Variants in RFC1 observed in about 807,000 individuals in gnomAD.
RFC1 encodes the protein replication factor C subunit 1.
RFC1 carries 37 observed loss-of-function variants against 137.4 expected under a neutral mutation model. The observed-to-expected ratio is 0.27, with a 90% CI of 0.21 to 0.35. The LOEUF (loss-of-function observed/expected upper bound fraction) is 0.35, where lower values mean the gene tolerates loss of function less well. RFC1 is among the 10% of genes least tolerant of loss of function. The probability of loss-of-function intolerance (pLI) is 1.00; values close to 1 mark genes in which losing one functional copy is unlikely to be tolerated. For synonymous variants in RFC1, 429 were observed against 455.7 expected, an observed-to-expected ratio of 0.94 and a Z score of 0.75; for missense variants, 1,205 against 1,358.5, an observed-to-expected ratio of 0.89 and a Z score of 1.78.
intron 23 of RFC1, 145 bp from the exon 24 acceptor site, chr4:39,290,184 A>G (rs950679088): frequency 1.8e-6 from 1 of 541,198 alleles, no homozygotes; most frequent in Non-Finnish European, 3.2e-6. Flanking sequence ...AAGTACGTGC[A>G]TTTTTCTGTG....
intron 13 of RFC1, 27 bp from the exon 14 acceptor site, chr4:39,306,728 T>G: frequency 7.6e-7 from 1 of 1,321,570 alleles, no homozygotes; most frequent in Non-Finnish European, 1.1e-6. Context: ...AGTTCCAGAG[T>G]GTCAACCTAT....
intron 2 of RFC1, among the ~76,000 whole-genome samples, chr4:39,350,240 C>T (rs1396766844): frequency 6.6e-6 from 1 of 151,770 alleles, no homozygotes; most frequent in Non-Finnish European, 1.5e-5. Flanking sequence ...GAACAAGGCT[C>T]AATGATCCGT....
chr4:39,296,250 CTTTTTT>C (rs10717106), intron 21 of RFC1, among the ~76,000 whole-genome samples: 4 of 132,758 alleles, frequency 3.0e-5, no homozygotes, highest in African/African-American at 1.1e-4. Context: ...TTTTTTTTTT[CTTTTTT>C]TTTTTTTTAT....
At chr4:39,310,904 C>T (rs12501447) in intron 12 of RFC1, among the ~76,000 whole-genome samples, 63,666 of 151,952 alleles carry the variant, frequency 0.42, 15,869 homozygotes, top group East Asian at 0.62. Context: ...CACTTTGGGA[C>T]GCTGAAGTGG....
chr4:39,361,737 A>G (rs1375346695), intron 1 of RFC1, among the ~76,000 whole-genome samples: 1 of 152,184 alleles, frequency 6.6e-6, no homozygotes, highest in African/African-American at 2.4e-5. Context: ...GCAATAAACA[A>G]TCCAAAAATG....
rs1560583763 is a variant in RFC1, at chr4:39,288,799, C to T, written c.3406G>A (p.Glu1136Lys). The change falls in exon 25 of 25, where the codon GAG becomes AAG. Residue 1136 changes from glutamate to lysine, a missense_variant. Physicochemically the swap from Glu to Lys is moderately conservative, Grantham distance 56. Transcript: ENST00000349703. ...SKPSKPEKDKEPRKGKGKSSK... is the reference protein window; with the variant it reads ...SKPSKPEKDKKPRKGKGKSSK... ...CTTTTTCCTTTTCCTTTTCTGGGCTCCTTATCTTTTTCTGGTTTTGAAGGC... is the reference window on the plus strand; with the variant it reads ...CTTTTTCCTTTTCCTTTTCTGGGCTTCTTATCTTTTTCTGGTTTTGAAGGC... 6.2e-7 allele frequency: 1 copy of T among 1,612,250 alleles called. No individual in the cohort carries two copies. Among genetic ancestry groups the T allele is most frequent in the Non-Finnish European group, 8.5e-7 (1 of 1,179,394 alleles).
intron 15 of RFC1, among the ~76,000 whole-genome samples, chr4:39,304,411 T>A (rs1306679746): frequency 6.6e-6 from 1 of 152,198 alleles, no homozygotes; most frequent in Non-Finnish European, 1.5e-5. Flanking sequence ...CATAATTACT[T>A]CTTCATCTGC....
intron 22 of RFC1, 147 bp from the exon 23 acceptor site, chr4:39,291,999 G>A (rs976607686): frequency 3.1e-6 from 2 of 647,328 alleles, no homozygotes; most frequent in Admixed American, 2.5e-5. Context: ...GCCAGCTGGT[G>A]TAGTTTAGAA....
intron 11 of RFC1, 63 bp from the exon 12 acceptor site, chr4:39,311,612 C>CAAA: frequency 1.0e-5 from 10 of 989,218 alleles, no homozygotes; most frequent in South Asian, 4.0e-5. Flanking sequence ...CCTTCTCTTA[C>CAAA]AAAAAAAAAA....
At chr4:39,302,919 A>G in intron 16 of RFC1, 45 bp from the exon 17 acceptor site, 4 of 1,542,506 alleles carry the variant, frequency 2.6e-6, no homozygotes, top group Non-Finnish European at 3.5e-6. Context: ...TTTAAAAATG[A>G]CAAATACCAC....
intron 9 of RFC1, 94 bp from the exon 10 acceptor site, chr4:39,317,116 G>T: frequency 1.4e-6 from 1 of 729,598 alleles, no homozygotes; most frequent in Non-Finnish European, 2.3e-6. Flanking sequence ...TTTTTATTGT[G>T]TCACTTCTGT....
chr4:39,304,093 C>T (rs1007196786), intron 15 of RFC1, among the ~76,000 whole-genome samples: 2 of 152,214 alleles, frequency 1.3e-5, no homozygotes, highest in African/African-American at 2.4e-5. Context: ...CCAGCCACGT[C>T]TAAGAGTGAC....
At position 39,321,312 on chromosome 4, in the gene RFC1, T is replaced by C; in HGVS notation, c.783A>G (p.Ala261=). The C allele has an allele frequency of 1.9e-6, 3 of 1,613,718 alleles. No individual in the cohort carries two copies. Among genetic ancestry groups the C allele is most frequent in the Non-Finnish European group, 1.7e-6 (2 of 1,179,828 alleles). ...FSSVQANLSK[A]EKHKYPHKVK... Reference sequence around the variant, plus strand: ...CTTTATGAGGATATTTATGTTTTTCTGCTTTACTTAAATTGGCTTGGACAG... The same window carrying C: ...CTTTATGAGGATATTTATGTTTTTCCGCTTTACTTAAATTGGCTTGGACAG... Residue 261 remains alanine (A), a synonymous_variant, in exon 8 of 25, where the codon GCA becomes GCG. Coordinates refer to ENST00000349703, the MANE Select transcript of RFC1 (RefSeq NM_002913.5).
intron 22 of RFC1, chr4:39,292,269 T>C (rs952233441): frequency 1.2e-5 from 2 of 162,308 alleles, no homozygotes; most frequent in African/African-American, 4.8e-5. Context: ...GGTCCCTGAT[T>C]ATAACACACA....
In RFC1 at chr4:39,309,082, A is replaced by T. The variant is rs17335174; in HGVS notation, c.1489-50T>A. 1.6e-3 allele frequency: 2,438 copies of T among 1,534,302 alleles called. 33 individuals carry two copies. The African/African-American group carries it at 0.024, about 15-fold the overall frequency. ...AAAAGAAACCTGATGAAACATACAG[A>T]ATTTCTATCCTGCTAAACGTACTAC... On this transcript the variant is annotated intron_variant, in intron 12 of 24. Coordinates refer to ENST00000349703, the MANE Select transcript of RFC1 (RefSeq NM_002913.5).
chr4:39,299,429 C>G (rs1163834736), intron 21 of RFC1, among the ~76,000 whole-genome samples: 2 of 151,754 alleles, frequency 1.3e-5, no homozygotes, highest in Non-Finnish European at 2.9e-5. Context: ...TCGGCAAACA[C>G]AGTGAAACCC....
At position 39,351,417 on chromosome 4, in the gene RFC1, T is replaced by C. The variant is rs368305612; in HGVS notation, c.63A>G (p.Val21=). ...CAGACTTTGTTTTCTCATTCTTCTTTACTGTTTCACTTACAAGTTTCTTTC... is the reference window on the plus strand; with the variant it reads ...CAGACTTTGTTTTCTCATTCTTCTTCACTGTTTCACTTACAAGTTTCTTTC... ...PSGKKLVSET[V]KKNEKTKSDE... Residue 21 remains valine, a synonymous_variant, in exon 2 of 25, where the codon GTA becomes GTG. Transcript: ENST00000349703. 36 of 1,582,476 alleles carry C rather than the reference T, an allele frequency of 2.3e-5. No individual in the cohort carries two copies. The African/African-American group carries it at 2.7e-4, about 12-fold the overall frequency.
In RFC1 at chr4:39,351,484, CA is replaced by C; in HGVS notation, c.4-9del. On this transcript the variant is annotated splice_polypyrimidine_tract_variant and intron_variant, in intron 1 of 24. Coordinates refer to ENST00000349703, the MANE Select transcript of RFC1 (RefSeq NM_002913.5). The stretch of plus-strand genomic sequence containing the variant: ...AAAGAATTTCCGAATGTCCTAAAAG[CA>C]AAAAACAGGAGATTCACGAATAAAC... The C allele has an allele frequency of 1.3e-6, 2 of 1,533,874 alleles. No individual in the cohort carries two copies. The highest frequency in any genetic ancestry group is 2.4e-5 in the Admixed American group (1 of 40,876).
chr4:39,342,420 G>C lies in RFC1; in HGVS notation c.256C>G (p.Pro86Ala). ...TLQVKNAKKP[P>A]EKLPVSSKPG... is the part of the protein sequence containing the mutation. ...TTAGAAGATACTGGCAGTTTTTCTGGTGGCTTTTTGGCATTTTTTACCTGC... is the reference window on the plus strand; with the variant it reads ...TTAGAAGATACTGGCAGTTTTTCTGCTGGCTTTTTGGCATTTTTTACCTGC... Residue 86 changes from proline (P) to alanine (A), a missense_variant, in exon 4 of 25, where the codon CCA becomes GCA. By Grantham distance (27) the Pro-to-Ala change is conservative. Around this residue, in one of 3 missense-constraint regions of RFC1, gnomAD observed 962 missense variants for 1,035.3 expected, o/e 0.93. Transcript: ENST00000349703. 6.2e-7 allele frequency: 1 copy of C among 1,613,498 alleles called. No homozygotes were observed. The highest frequency in any genetic ancestry group is 8.5e-7 in the Non-Finnish European group (1 of 1,179,618).
Sources: gnomAD v4.1 joint callset for allele counts (sites outside exome capture counted in the v4.1 genomes callset) on GRCh38, gnomAD v4.1.1 for gene constraint, gnomAD v4.1.1 regional missense constraint, MANE v1.5 for transcripts, NCBI Gene and HGNC (gene_info 2026-07-23, HGNC 2026-07-21) for gene names.